Variants in TMCC2 observed in about 807,000 individuals in gnomAD.
TMCC2 encodes the protein transmembrane and coiled-coil domains protein 2.
TMCC2 carries 16 observed loss-of-function variants against 49.4 expected under a neutral mutation model. The ratio of observed to expected loss-of-function variants is 0.32; its 90% CI spans 0.22 to 0.49. The LOEUF (loss-of-function observed/expected upper bound fraction) is 0.49. Among genes scored for constraint, TMCC2 ranks in the 20% least tolerant of loss-of-function variants. TMCC2 has a pLI of 0.99. For missense variants in TMCC2, 762 were observed against 989.8 expected, an observed-to-expected ratio of 0.77 and a Z score of 3.09; for synonymous variants, 397 against 434.1, an observed-to-expected ratio of 0.91 and a Z score of 1.06.
At chr1:205,249,111 G>A (rs1325371623) in intron 2 of TMCC2, among the ~76,000 whole-genome samples, 3 of 152,180 alleles carry the variant, frequency 2.0e-5, no homozygotes, top group Non-Finnish European at 2.9e-5. Context: ...CTCCCCAGTC[G>A]TGCTGCAGGT....
Position 205,272,625 on chromosome 1 carries a change from C to T in TMCC2, c.*501C>T, listed in dbSNP as rs1277631851. ...CAGGGATGGGAGGGTCCCTAGCCTT[C>T]GGGCACCTCCAGGGCCAGAGAGCAG... On this transcript the variant is annotated 3_prime_UTR_variant, in exon 5 of 5. Coordinates refer to ENST00000358024, the MANE Select transcript of TMCC2 (RefSeq NM_014858.4). 1.2e-5 allele frequency: 2 copies of T among 160,312 alleles called. No individual in the cohort carries two copies. Among genetic ancestry groups the T allele is most frequent in the Non-Finnish European group, 2.7e-5 (2 of 72,846 alleles). 9.9% of individuals were successfully genotyped at this position (160,312 alleles called of 1,614,324 possible). A position where few individuals can be genotyped will look rare whatever the true frequency, so the allele number is the denominator to read the frequency against.
At position 205,272,380 on chromosome 1, in the gene TMCC2, T is replaced by C; in HGVS notation, c.*256T>C. On this transcript the variant is annotated 3_prime_UTR_variant, in exon 5 of 5. Coordinates refer to ENST00000358024, the MANE Select transcript of TMCC2 (RefSeq NM_014858.4). ...AAGTGGAGCAGAGGTGGACATGGGG[T>C]TGGATTGTTTTGATTATTTATAGTT... 1.6e-6 allele frequency: 1 copy of C among 616,598 alleles called. No homozygotes were observed. Among genetic ancestry groups the C allele is most frequent in the South Asian group, 2.4e-5 (1 of 41,684 alleles). 38.2% of individuals were successfully genotyped at this position (616,598 alleles called of 1,614,324 possible). A position where few individuals can be genotyped will look rare whatever the true frequency, so the allele number is the denominator to read the frequency against.
At position 205,230,290 on chromosome 1, in the gene TMCC2, A is replaced by G. The variant is rs1659738352; in HGVS notation, c.207+1519A>G. 5.1e-6 allele frequency: 3 copies of G among 583,848 alleles called. No individual in the cohort carries two copies. In the African/African-American group the frequency reaches 6.1e-5, roughly 12 times the overall value. The allele number at this position is 583,848 out of a possible 1,614,324, so 36.2% of individuals were successfully genotyped here. A position where few individuals can be genotyped will look rare whatever the true frequency, so the allele number is the denominator to read the frequency against. On this transcript the variant is annotated intron_variant, in intron 1 of 4. Transcript: ENST00000358024. ...TTTAAACTTTGCAGTAATTATTCAA[A>G]TCTGAACTCTGGTTCTGCCGCCGTC...
chr1:205,256,365 A>G (rs1336264238), intron 2 of TMCC2: 1 of 1,551,058 alleles, frequency 6.4e-7, no homozygotes. Context: ...GGCCACTCAC[A>G]GAATTTCCTG....
chr1:205,241,693 C>A lies in TMCC2; in HGVS notation c.396C>A (p.Val132=), dbSNP rs775317589. The A allele has an allele frequency of 6.2e-7, 1 of 1,613,734 alleles. No homozygotes were observed. The highest frequency in any genetic ancestry group is 8.5e-7 in the Non-Finnish European group (1 of 1,180,020). Residue 132 remains valine, a synonymous_variant, in exon 2 of 5, where the codon GTC becomes GTA. Transcript: ENST00000358024. The surrounding 1 kb of genome is among the most constrained non-coding windows in gnomAD (Gnocchi z 7.3). Reference sequence around the variant, plus strand: ...AGCGCTCTCCGGAGATGCATCGCGTCTCCTACGCCATGTCCCTGCACGACC... The same window carrying A: ...AGCGCTCTCCGGAGATGCATCGCGTATCCTACGCCATGTCCCTGCACGACC... The part of the protein sequence containing the change: ...EKERSPEMHR[V]SYAMSLHDLP...
rs1660275023 is a variant in TMCC2, at chr1:205,241,748, G to A, written c.451G>A (p.Val151Met). Residue 151 changes from valine (V) to methionine (M), a missense_variant, in exon 2 of 5, where the codon GTG (valine) becomes ATG (methionine). Physicochemically the swap from Val to Met is conservative, Grantham distance 21 (BLOSUM62 1). Transcript: ENST00000358024. The surrounding 1 kb of genome is among the most constrained non-coding windows in gnomAD (Gnocchi z 7.3). ...CGCCCGGCCCACCGCCTTCAACCGC[G>A]TGCTGCAGCAGATCCGCTCCCGGCC... Reference protein sequence around the residue: ...LPARPTAFNRVLQQIRSRPSI... With the variant: ...LPARPTAFNRMLQQIRSRPSI... The A allele has an allele frequency of 6.2e-7, 1 of 1,612,868 alleles. No individual in the cohort carries two copies. The highest frequency in any genetic ancestry group is 8.5e-7 in the Non-Finnish European group (1 of 1,179,954).
At chr1:205,244,361 A>G (rs945558017) in intron 2 of TMCC2, among the ~76,000 whole-genome samples, 1 of 152,212 alleles carries the variant, frequency 6.6e-6, no homozygotes, top group Non-Finnish European at 1.5e-5. Flanking sequence ...AGAAGTCAGC[A>G]TCGTCCTTGG....
chr1:205,230,405 C>G (rs1659742952), intron 1 of TMCC2, among the ~76,000 whole-genome samples: 1 of 152,080 alleles, frequency 6.6e-6, no homozygotes, highest in African/African-American at 2.4e-5. Context: ...TTTGCCAGGC[C>G]CAGGGAGTCC....
At chr1:205,230,709 C>T (rs1659755705) in intron 1 of TMCC2, among the ~76,000 whole-genome samples, 1 of 152,160 alleles carries the variant, frequency 6.6e-6, no homozygotes, top group Admixed American at 6.5e-5. Context: ...TCCATTTATT[C>T]CCCCAGTTGC....
chr1:205,234,597 A>G (rs1400801780), intron 1 of TMCC2, among the ~76,000 whole-genome samples: 1 of 152,198 alleles, frequency 6.6e-6, no homozygotes, highest in Admixed American at 6.5e-5. Flanking sequence ...TTAGAGCATC[A>G]TGCAGTGCAA....
intron 2 of TMCC2, among the ~76,000 whole-genome samples, chr1:205,265,188 G>A (rs534894216): frequency 6.6e-6 from 1 of 152,298 alleles, no homozygotes; most frequent in South Asian, 2.1e-4. Flanking sequence ...GGTGGACGAG[G>A]GGGCCAGGGC....
intron 2 of TMCC2, among the ~76,000 whole-genome samples, chr1:205,265,301 G>A (rs1321761866): frequency 1.3e-5 from 2 of 152,234 alleles, no homozygotes; most frequent in African/African-American, 4.8e-5. Context: ...CTTCAACTCC[G>A]CTTTTCCATT....
chr1:205,236,937 C>G (rs537584704), intron 1 of TMCC2: 1 of 152,226 alleles, frequency 6.6e-6, no homozygotes, highest in Admixed American at 6.5e-5. Flanking sequence ...TTCCCACTTG[C>G]TTTGGCTCCA....
chr1:205,268,335 C>T (rs1259358133), intron 2 of TMCC2, among the ~76,000 whole-genome samples: 1 of 152,264 alleles, frequency 6.6e-6, no homozygotes, highest in East Asian at 1.9e-4. Flanking sequence ...GGGCTGGGGC[C>T]AGGCGTAGTG....
chr1:205,272,003 C>A lies in TMCC2; in HGVS notation c.2009C>A (p.Pro670His). 6.2e-7 allele frequency: 1 copy of A among 1,614,208 alleles called. No individual in the cohort carries two copies. Among genetic ancestry groups the A allele is most frequent in the South Asian group, 1.1e-5 (1 of 91,082 alleles). ...FVSTIANFIT[P>H]LMKTRLRITS... ...TCCACCATCGCCAACTTCATCACGCCCCTCATGAAGACACGCCTGCGCATC... is the reference window on the plus strand; with the variant it reads ...TCCACCATCGCCAACTTCATCACGCACCTCATGAAGACACGCCTGCGCATC... The change falls in exon 5 of 5, where the codon CCC becomes CAC. Residue 670 changes from proline to histidine, a missense_variant. Transcript: ENST00000358024.
intron 4 of TMCC2, 71 bp from the exon 5 acceptor site, chr1:205,271,742 G>GT: frequency 6.5e-7 from 1 of 1,546,930 alleles, no homozygotes; most frequent in Non-Finnish European, 8.7e-7. Flanking sequence ...TCTCAGTGGG[G>GT]TAGGTAGGTT....
chr1:205,271,423 T>TGAGCAAGAC, intron 4 of TMCC2, 168 bp downstream of exon 4: 4 of 1,141,142 alleles, frequency 3.5e-6, no homozygotes. Context: ...CGGAGTGGAG[T>TGAGCAAGAC]GAGCAAGACA....
intron 1 of TMCC2, among the ~76,000 whole-genome samples, chr1:205,230,511 C>T (rs1285272199): frequency 1.3e-5 from 2 of 152,122 alleles, no homozygotes; most frequent in South Asian, 4.2e-4. Context: ...GAAGGGGTCT[C>T]TTGAATGCTG....
chr1:205,230,033 A>G, intron 1 of TMCC2: 2 of 985,468 alleles, frequency 2.0e-6, no homozygotes, highest in South Asian at 9.4e-5. Context: ...GGTCTGGGCT[A>G]GGGAAACGGA....
Sources: allele counts gnomAD v4.1 joint callset (sites outside exome capture counted in the v4.1 genomes callset), GRCh38; gene constraint gnomAD v4.1.1; non-coding constraint Gnocchi (gnomAD v3.1); transcripts MANE v1.5; gene names NCBI Gene and HGNC (gene_info 2026-07-23, HGNC 2026-07-21).